ZXDC: variants seen among roughly 807,000 people sequenced by gnomAD.
ZXDC encodes the protein ZXD family zinc finger C.
Under a neutral mutation model 63.6 loss-of-function variants are expected in ZXDC, and 58 were observed. The observed-to-expected ratio is 0.91, with a 90% CI of 0.74 to 1.13. The LOEUF (loss-of-function observed/expected upper bound fraction) is 1.13. Among genes scored for constraint, ZXDC ranks in the 50% most tolerant of loss-of-function variants. The pLI is 0.00. For synonymous variants in ZXDC, 561 were observed against 496.1 expected (o/e 1.13, Z -1.74); for missense variants, 1,133 against 1,148.9 (o/e 0.99, Z 0.20).
intron 8 of ZXDC, chr3:126,439,958 T>C: frequency 7.2e-7 from 1 of 1,393,472 alleles, no homozygotes; most frequent in Non-Finnish European, 9.3e-7. Flanking sequence ...TTGCTGGGCC[T>C]GGAACCTTCT....
At chr3:126,451,619 T>C (rs187900671) in intron 7 of ZXDC, 1 of 985,440 alleles carries the variant, frequency 1.0e-6, no homozygotes, top group East Asian at 1.1e-4. Flanking sequence ...ACTGGGCTCC[T>C]GTCACCTGGG....
At chr3:126,458,482 C>A in intron 7 of ZXDC, 1 of 579,054 alleles carries the variant, frequency 1.7e-6, no homozygotes, top group Non-Finnish European at 2.2e-6. Flanking sequence ...AGGTGATCCA[C>A]CCACCTCGGC....
chr3:126,450,598 C>A (rs765336088), intron 7 of ZXDC: 1 of 452,438 alleles, frequency 2.2e-6, no homozygotes, highest in Non-Finnish European at 4.5e-6. Context: ...CCGGACTGAC[C>A]GCCCCTGCTG....
chr3:126,438,418 G>C lies in ZXDC; in HGVS notation c.2534C>G (p.Thr845Ser), dbSNP rs766915370. 1.2e-6 allele frequency: 2 copies of C among 1,613,826 alleles called. No homozygotes were observed. The highest frequency in any genetic ancestry group is 1.7e-6 in the Non-Finnish European group (2 of 1,179,960). Residue 845 changes from threonine to serine, a missense_variant, in exon 10 of 10, where the codon ACC (threonine) becomes AGC (serine). Physicochemically the swap from Thr to Ser is moderately conservative, Grantham distance 58 (BLOSUM62 1). Transcript: ENST00000389709. The stretch of plus-strand genomic sequence containing the variant: ...GTTGATAGTGCTTCCTGGGAACTGG[G>C]TGGCCTCCGGTCCAGCAGGGCCTCC... Reference protein sequence around the residue: ...SSGGPAGPEATQFPGSTINLQ... With the variant: ...SSGGPAGPEASQFPGSTINLQ...
chr3:126,460,360 A>C, intron 6 of ZXDC: 1 of 664,602 alleles, frequency 1.5e-6, no homozygotes, highest in Non-Finnish European at 1.9e-6. Flanking sequence ...AGCAGCCCTC[A>C]AAGCTCGTAG....
At chr3:126,462,495 A>G (rs139698549) in intron 5 of ZXDC, among the ~76,000 whole-genome samples, 2 of 152,250 alleles carry the variant, frequency 1.3e-5, no homozygotes, top group Non-Finnish European at 2.9e-5. Flanking sequence ...TCTCCAGGGG[A>G]AACAACTGGA....
chr3:126,465,072 G>A (rs1934702720), intron 5 of ZXDC, among the ~76,000 whole-genome samples: 1 of 152,212 alleles, frequency 6.6e-6, no homozygotes, highest in East Asian at 1.9e-4. Context: ...TGACACAGCT[G>A]CGCCCCAAAG....
At chr3:126,439,929 A>T in intron 8 of ZXDC, 1 of 1,404,406 alleles carries the variant, frequency 7.1e-7, no homozygotes, top group African/African-American at 1.5e-5. Flanking sequence ...TCATTCTGTC[A>T]CCTTGATCCC....
At chr3:126,451,241 A>G (rs1176261844) in intron 7 of ZXDC, 2 of 985,446 alleles carry the variant, frequency 2.0e-6, no homozygotes, top group Non-Finnish European at 2.4e-6. Flanking sequence ...CACTTCATGC[A>G]TGCATATGTG....
At chr3:126,464,437 C>CGGTAACT in intron 5 of ZXDC, among the ~76,000 whole-genome samples, 1 of 152,318 alleles carries the variant, frequency 6.6e-6, no homozygotes, top group Admixed American at 6.5e-5. Flanking sequence ...CATAATCCCA[C>CGGTAACT]GGTAACTGGG....
At chr3:126,473,273 A>G (rs1464757908) in intron 1 of ZXDC, among the ~76,000 whole-genome samples, 2 of 152,064 alleles carry the variant, frequency 1.3e-5, no homozygotes, top group Admixed American at 1.3e-4. Flanking sequence ...ACCCCCATAG[A>G]TAATTACACC....
intron 8 of ZXDC, chr3:126,441,043 G>A: frequency 1.0e-6 from 1 of 985,546 alleles, no homozygotes; most frequent in Non-Finnish European, 1.2e-6. Context: ...GCCAAACCCA[G>A]ACAGCCCCGG....
chr3:126,474,884 T>C, intron 1 of ZXDC, 75 bp downstream of exon 1: 2 of 1,471,020 alleles, frequency 1.4e-6, no homozygotes, highest in Admixed American at 4.4e-5. Context: ...GGCAGGCCCC[T>C]CTGTGGGGCG....
In ZXDC at chr3:126,471,966, G is replaced by C; in HGVS notation, c.1139+7C>G. 6.2e-7 allele frequency: 1 copy of C among 1,606,836 alleles called. No individual in the cohort carries two copies. The highest frequency in any genetic ancestry group is 8.5e-7 in the Non-Finnish European group (1 of 1,177,192). ...CCTGATAATGCAAACCAAAATGTAA[G>C]GATTACCTTCTGTGCCTTAGAAGTT... On this transcript the variant is annotated splice_region_variant and intron_variant, in intron 3 of 9. Coordinates refer to ENST00000389709, the MANE Select transcript of ZXDC (RefSeq NM_025112.5).
intron 4 of ZXDC, 72 bp from the exon 5 acceptor site, chr3:126,466,397 A>C: frequency 7.4e-5 from 115 of 1,563,286 alleles, no homozygotes; most frequent in Non-Finnish European, 9.2e-5. Context: ...ACACTTCCCC[A>C]TCAGATCAGA....
intron 7 of ZXDC, chr3:126,451,304 CCCA>C: frequency 1.0e-6 from 1 of 985,382 alleles, no homozygotes; most frequent in Non-Finnish European, 1.2e-6. Context: ...TCTCAACACA[CCCA>C]CTTTTTCTTA....
intron 7 of ZXDC, chr3:126,453,442 T>G (rs963365517): frequency 2.0e-6 from 2 of 985,364 alleles, no homozygotes; most frequent in African/African-American, 3.5e-5. Flanking sequence ...GGAAGACATC[T>G]GAGGCACAAA....
At chr3:126,466,366 C>A (rs773879084) in intron 4 of ZXDC, 41 bp from the exon 5 acceptor site, 2 of 1,612,332 alleles carry the variant, frequency 1.2e-6, no homozygotes, top group Admixed American at 3.3e-5. Flanking sequence ...CCAAGGATCA[C>A]CAAGGAACCA....
intron 7 of ZXDC, chr3:126,459,037 T>C: frequency 1.0e-6 from 1 of 984,364 alleles, no homozygotes; most frequent in Non-Finnish European, 1.2e-6. Context: ...AAAAACAATA[T>C]ATTTTAAAAA....
Sources: gnomAD v4.1 joint callset for allele counts (sites outside exome capture counted in the v4.1 genomes callset) on GRCh38, gnomAD v4.1.1 for gene constraint, MANE v1.5 for transcripts, NCBI Gene and HGNC (gene_info 2026-07-23, HGNC 2026-07-21) for gene names.